The following CDH12 variants were observed in gnomAD, a reference collection of about 807,000 sequenced individuals.
CDH12 encodes the protein cadherin-12.
Under a neutral mutation model 74.1 loss-of-function variants are expected in CDH12, and 41 were observed. The ratio of observed to expected loss-of-function variants is 0.55; its 90% CI spans 0.43 to 0.72. CDH12 has a LOEUF of 0.72. CDH12 is among the 30% of genes least tolerant of loss of function. The pLI, the probability that CDH12 is intolerant of heterozygous loss-of-function variation, is 0.00. For synonymous variants in CDH12, 399 were observed against 355.0 expected, an observed-to-expected ratio of 1.12 and a Z score of -1.39; for missense variants, 945 against 977.2, an observed-to-expected ratio of 0.97 and a Z score of 0.44.
At chr5:22,625,944 T>C (rs1738267034) in intron 1 of CDH12, among the ~76,000 whole-genome samples, 1 of 152,064 alleles carries the variant, frequency 6.6e-6, no homozygotes, top group African/African-American at 2.4e-5. Context: ...TATACACACT[T>C]GGGTGGACCT....
chr5:22,108,279 C>T lies in CDH12; in HGVS notation c.-186-29417G>A, dbSNP rs147163945. Among the ~76,000 whole-genome samples, 777 of 152,270 alleles carry T rather than the reference C, an allele frequency of 5.1e-3. 5 individuals carry two copies. The highest frequency in any genetic ancestry group is 0.017 in the African/African-American group (711 of 41,548). ...GTAAGATGTCCCTTTGCTCTTCCTTCGTCTTCTGCCACGACTGTGAGGACT... is the reference window on the plus strand; with the variant it reads ...GTAAGATGTCCCTTTGCTCTTCCTTTGTCTTCTGCCACGACTGTGAGGACT... On this transcript the variant is annotated intron_variant, in intron 4 of 14. Coordinates refer to ENST00000382254, the MANE Select transcript of CDH12 (RefSeq NM_004061.5).
At chr5:22,483,698 C>T (rs1358164539) in intron 2 of CDH12, among the ~76,000 whole-genome samples, 1 of 121,092 alleles carries the variant, frequency 8.3e-6, no homozygotes, top group Non-Finnish European at 1.7e-5. Context: ...AGGTTGAAAC[C>T]AGGATAAGAC....
intron 6 of CDH12, among the ~76,000 whole-genome samples, chr5:21,934,845 G>A (rs1203801699): frequency 6.6e-6 from 1 of 151,912 alleles, no homozygotes; most frequent in African/African-American, 2.4e-5. Context: ...GGAGTGCAGT[G>A]GCGCGATCTT....
intron 1 of CDH12, among the ~76,000 whole-genome samples, chr5:22,756,266 A>G (rs1020072631): frequency 1.3e-5 from 2 of 152,146 alleles, no homozygotes; most frequent in Non-Finnish European, 2.9e-5. Context: ...AAACACTAGT[A>G]TAGCGGTTGT....
chr5:22,285,570 T>C (rs750437929), intron 3 of CDH12, among the ~76,000 whole-genome samples: 2 of 152,108 alleles, frequency 1.3e-5, no homozygotes, highest in Middle Eastern at 3.2e-3. Flanking sequence ...AGAACTTTGC[T>C]GAACACTCAG....
intron 7 of CDH12, among the ~76,000 whole-genome samples, chr5:21,843,903 T>C (rs2149988798): frequency 6.6e-6 from 1 of 152,302 alleles, no homozygotes; most frequent in Non-Finnish European, 1.5e-5. Flanking sequence ...TCATATGCAT[T>C]ATGTCTTGTC....
Position 22,425,075 on chromosome 5 carries a change from TATAGAGAG to T in CDH12, c.-427-19732_-427-19725del, listed in dbSNP as rs1212981996. Among the ~76,000 whole-genome samples the T allele has an allele frequency of 3.0e-4, 37 of 124,836 alleles. 1 individual carries two copies. Among genetic ancestry groups the T allele is most frequent in the Admixed American group, 8.0e-4 (10 of 12,564 alleles). The allele number at this position is 124,836 out of a possible 152,430, so 81.9% of individuals were successfully genotyped here. On this transcript the variant is annotated intron_variant, in intron 2 of 14. Coordinates refer to ENST00000382254, the MANE Select transcript of CDH12 (RefSeq NM_004061.5). Reference sequence around the variant, plus strand: ...GAATTTTTACATTTATATATATATATATAGAGAGAGAGAGAGAGAGAGAGAGAATTTTT... The same window carrying T: ...GAATTTTTACATTTATATATATATATAGAGAGAGAGAGAGAGAGAATTTTT...
intron 3 of CDH12, among the ~76,000 whole-genome samples, chr5:22,378,362 A>T (rs1355446763): frequency 1.3e-5 from 2 of 152,096 alleles, no homozygotes; most frequent in African/African-American, 2.4e-5. Flanking sequence ...ATATTTATGC[A>T]GTTTTTTTTG....
At chr5:22,756,953 C>CT (rs1434266883) in intron 1 of CDH12, among the ~76,000 whole-genome samples, 1 of 120,950 alleles carries the variant, frequency 8.3e-6, no homozygotes, top group African/African-American at 3.2e-5. Flanking sequence ...AGAAAGACTC[C>CT]GTCTCAAAAA....
chr5:22,376,581 G>T (rs1284197289), intron 3 of CDH12, among the ~76,000 whole-genome samples: 2 of 152,032 alleles, frequency 1.3e-5, no homozygotes, highest in Non-Finnish European at 2.9e-5. Flanking sequence ...ATCCAGGCTG[G>T]AGTGCAGTAG....
intron 4 of CDH12, among the ~76,000 whole-genome samples, chr5:22,116,293 G>A (rs1293060122): frequency 6.6e-6 from 1 of 152,088 alleles, no homozygotes; most frequent in Non-Finnish European, 1.5e-5. Flanking sequence ...ATGTGTCAAG[G>A]AAATGGAAAC....
chr5:22,556,204 G>T (rs2126741345), intron 1 of CDH12, among the ~76,000 whole-genome samples: 1 of 152,136 alleles, frequency 6.6e-6, no homozygotes, highest in African/African-American at 2.4e-5. Flanking sequence ...AAAGCAGAAG[G>T]GGTAGTATAT....
In CDH12 at chr5:22,209,011, T is replaced by C. The variant is rs552904884; in HGVS notation, c.-187+3487A>G. ...TACACATATATGCCTTGATCATATT[T>C]GTAGTCATTGTGGAACCTGTTATTT... On this transcript the variant is annotated intron_variant, in intron 4 of 14. Coordinates refer to ENST00000382254, the MANE Select transcript of CDH12 (RefSeq NM_004061.5). Among the ~76,000 whole-genome samples, 45 of 152,352 alleles carry C rather than the reference T, an allele frequency of 3.0e-4. No homozygotes were observed. In the East Asian group the frequency reaches 7.1e-3, roughly 24 times the overall value.
At position 21,783,414 on chromosome 5, in the gene CDH12, A is replaced by G; in HGVS notation, c.1337T>C (p.Leu446Ser). 6.2e-7 allele frequency: 1 copy of G among 1,611,664 alleles called. No homozygotes were observed. Among genetic ancestry groups the G allele is most frequent in the Non-Finnish European group, 8.5e-7 (1 of 1,177,800 alleles). ...CTGCGCAGTGCTTTCTCTGTCTAGT[A>G]ATTCATTAGTGGCGATGGTTCCTTC... is the stretch of plus-strand genomic sequence containing the variant. ...GNEGTIATNE[L>S]LDRESTAQYN... The change falls in exon 11 of 15, where the codon TTA (leucine) becomes TCA (serine). Residue 446 changes from leucine to serine, a missense_variant. By Grantham distance (145) the Leu-to-Ser change is moderately radical. Coordinates refer to ENST00000382254, the MANE Select transcript of CDH12 (RefSeq NM_004061.5).
chr5:21,796,536 A>C (rs1010667583), intron 10 of CDH12, among the ~76,000 whole-genome samples: 3 of 152,242 alleles, frequency 2.0e-5, no homozygotes, highest in Admixed American at 2.0e-4. Flanking sequence ...TAACCACTGT[A>C]ATTTTGAGTT....
chr5:22,567,255 T>C (rs1739333372), intron 1 of CDH12, among the ~76,000 whole-genome samples: 1 of 152,076 alleles, frequency 6.6e-6, no homozygotes, highest in Non-Finnish European at 1.5e-5. Context: ...TTTCAACCAT[T>C]GTCCATAAAA....
intron 4 of CDH12, among the ~76,000 whole-genome samples, chr5:22,175,319 T>A (rs543975478): frequency 5.0e-4 from 76 of 151,816 alleles, no homozygotes; most frequent in Admixed American, 9.2e-4. Flanking sequence ...AAACCATCTA[T>A]CCATGTCAGA....
intron 6 of CDH12, among the ~76,000 whole-genome samples, chr5:21,950,219 G>C (rs1290241778): frequency 6.6e-6 from 1 of 152,146 alleles, no homozygotes; most frequent in Admixed American, 6.5e-5. Context: ...CCTAGGGTGT[G>C]TAGTAGGTTA....
At chr5:22,171,552 T>C (rs1749029155) in intron 4 of CDH12, among the ~76,000 whole-genome samples, 1 of 151,884 alleles carries the variant, frequency 6.6e-6, no homozygotes, top group Non-Finnish European at 1.5e-5. Flanking sequence ...CATTTAAGAG[T>C]GCATACTATC....
Sources: allele counts gnomAD v4.1 joint callset (sites outside exome capture counted in the v4.1 genomes callset), GRCh38; gene constraint gnomAD v4.1.1; transcripts MANE v1.5; gene names NCBI Gene and HGNC (gene_info 2026-07-23, HGNC 2026-07-21).